Variants in PIKFYVE observed in about 807,000 individuals in gnomAD.
PIKFYVE encodes phosphoinositide kinase, FYVE-type zinc finger containing.
A neutral mutation model predicts 257.9 loss-of-function variants in PIKFYVE; 122 were observed. The observed-to-expected ratio is 0.47, with a 90% CI of 0.41 to 0.55. The LOEUF (loss-of-function observed/expected upper bound fraction) is 0.55. PIKFYVE is among the 20% of genes least tolerant of loss of function. The pLI, the probability that PIKFYVE is intolerant of heterozygous loss-of-function variation, is 0.00. For missense variants in PIKFYVE, 2,160 were observed against 2,536.6 expected (o/e 0.85, Z 3.19); for synonymous variants, 892 against 868.9 (o/e 1.03, Z -0.47).
chr2:208,326,405 G>A lies in PIKFYVE; in HGVS notation c.3594G>A (p.Leu1198=). 1 of 1,614,070 alleles carries A rather than the reference G, an allele frequency of 6.2e-7. No homozygotes were observed. The highest frequency in any genetic ancestry group is 2.2e-5 in the East Asian group (1 of 44,878). The change falls in exon 20 of 42, where the codon CTG becomes CTA. Residue 1198 remains leucine, a synonymous_variant. Transcript: ENST00000264380. ...NEGDEERGLI[L]SDAVWSTKVD... is the part of the protein sequence containing the mutation. ...GTGATGAAGAGAGAGGGCTTATTCT[G>A]AGTGATGCTGTGTGGTCAACAAAGG...
At chr2:208,285,393 C>T (rs780667853) in intron 5 of PIKFYVE, among the ~76,000 whole-genome samples, 1 of 152,194 alleles carries the variant, frequency 6.6e-6, no homozygotes, top group Non-Finnish European at 1.5e-5. Context: ...CCACGTCTGG[C>T]CTGGTATGTT....
In PIKFYVE at chr2:208,352,682, G is replaced by C; in HGVS notation, c.5744G>C (p.Gly1915Ala). 1.2e-6 allele frequency: 2 copies of C among 1,613,688 alleles called. No homozygotes were observed. The highest frequency in any genetic ancestry group is 1.7e-6 in the Non-Finnish European group (2 of 1,179,814). The stretch of plus-strand genomic sequence containing the variant: ...CCCACGGCGTTGGCCAAAATTCTTG[G>C]AGTTTACAGAATTGGTTATAAGAAC... ...KRPTALAKIL[G>A]VYRIGYKNSQ... Residue 1915 changes from glycine (G) to alanine (A), a missense_variant, in exon 39 of 42, where the codon GGA (glycine) becomes GCA (alanine). Transcript: ENST00000264380.
chr2:208,335,564 C>A, intron 25 of PIKFYVE, 145 bp downstream of exon 25: 1 of 813,706 alleles, frequency 1.2e-6, no homozygotes, highest in South Asian at 1.7e-5. Flanking sequence ...AAATTGTAGA[C>A]GCTATGGAAA....
chr2:208,271,527 C>T lies in PIKFYVE; in HGVS notation c.8C>T (p.Thr3Ile). Residue 3 changes from threonine to isoleucine, a missense_variant, in exon 2 of 42, where the codon ACA becomes ATA. Physicochemically the swap from Thr to Ile is moderately conservative, Grantham distance 89. This residue lies in a region of PIKFYVE where 172 missense variants were observed against 180.6 expected (regional missense o/e 0.95). Coordinates refer to ENST00000264380, the MANE Select transcript of PIKFYVE (RefSeq NM_015040.4). ...GTTTTTCAGACTCATGAAATGGCCA[C>T]AGATGATAAGACGTCCCCAACACTG... MA[T>I]DDKTSPTLDS... The T allele has an allele frequency of 1.2e-6, 2 of 1,614,146 alleles. No individual in the cohort carries two copies. Among genetic ancestry groups the T allele is most frequent in the Non-Finnish European group, 1.7e-6 (2 of 1,179,998 alleles).
intron 6 of PIKFYVE, among the ~76,000 whole-genome samples, chr2:208,288,401 A>G (rs1691860087): frequency 6.6e-6 from 1 of 152,122 alleles, no homozygotes; most frequent in Non-Finnish European, 1.5e-5. Flanking sequence ...AAATATTTGA[A>G]CTCAAGATTT....
chr2:208,306,648 G>T (rs1347564274), intron 12 of PIKFYVE, among the ~76,000 whole-genome samples: 3 of 152,146 alleles, frequency 2.0e-5, no homozygotes. Flanking sequence ...GGAGTGGAAT[G>T]GAACAGGAGG....
At chr2:208,288,130 A>T (rs1306415263) in intron 6 of PIKFYVE, among the ~76,000 whole-genome samples, 2 of 152,332 alleles carry the variant, frequency 1.3e-5, no homozygotes, top group East Asian at 3.9e-4. Context: ...GCTCCCTGAG[A>T]GATGTACAAT....
At chr2:208,296,305 G>A (rs899566038) in intron 7 of PIKFYVE, among the ~76,000 whole-genome samples, 2 of 152,062 alleles carry the variant, frequency 1.3e-5, no homozygotes, top group African/African-American at 2.4e-5. Context: ...ACGCCTGGAC[G>A]AAACAGACAA....
chr2:208,351,455 G>A lies in PIKFYVE; in HGVS notation c.5715G>A (p.Lys1905=). The change falls in exon 38 of 42, where the codon AAG becomes AAA. Residue 1905 remains lysine (K), a splice_region_variant and synonymous_variant. Coordinates refer to ENST00000264380, the MANE Select transcript of PIKFYVE (RefSeq NM_015040.4). ...ATATTACAAATGCTGTTCAACAAAAGGTAGAAATCTAAAACCATGGTCTGT... is the reference window on the plus strand; with the variant it reads ...ATATTACAAATGCTGTTCAACAAAAAGTAGAAATCTAAAACCATGGTCTGT... The part of the protein sequence containing the change: ...FNYITNAVQQ[K]RPTALAKILG... 1 of 1,601,946 alleles carries A rather than the reference G, an allele frequency of 6.2e-7. No homozygotes were observed. The highest frequency in any genetic ancestry group is 1.3e-5 in the African/African-American group (1 of 74,762).
At chr2:208,335,116 A>G (rs1408416379) in intron 24 of PIKFYVE, among the ~76,000 whole-genome samples, 190 bp from the exon 25 acceptor site, 1 of 152,204 alleles carries the variant, frequency 6.6e-6, no homozygotes, top group Non-Finnish European at 1.5e-5. Context: ...ATAAAACAAA[A>G]TCCCTCCAGA....
rs757419502 is a variant in PIKFYVE, at chr2:208,336,169, C to T, written c.4489C>T (p.Leu1497Phe). 1 of 1,614,036 alleles carries T rather than the reference C, an allele frequency of 6.2e-7. No individual in the cohort carries two copies. Among genetic ancestry groups the T allele is most frequent in the Non-Finnish European group, 8.5e-7 (1 of 1,179,942 alleles). Reference sequence around the variant, plus strand: ...GTCACTCATTGCCAAGAAACAAAGTCTCTGTGAAGTGCTGCAAGCTTGGAA... The same window carrying T: ...GTCACTCATTGCCAAGAAACAAAGTTTCTGTGAAGTGCTGCAAGCTTGGAA... The part of the protein sequence containing the change: ...FESLIAKKQS[L>F]CEVLQAWNNR... The change falls in exon 27 of 42, where the codon CTC (leucine) becomes TTC (phenylalanine). Residue 1497 changes from leucine (L) to phenylalanine (F), a missense_variant. Leu to Phe is a conservative substitution (Grantham distance 22, BLOSUM62 0). This residue lies in a region of PIKFYVE where 699 missense variants were observed against 855.8 expected (regional missense o/e 0.82). Coordinates refer to ENST00000264380, the MANE Select transcript of PIKFYVE (RefSeq NM_015040.4).
chr2:208,287,471 A>G (rs1478518551), intron 6 of PIKFYVE, among the ~76,000 whole-genome samples: 3 of 151,646 alleles, frequency 2.0e-5, no homozygotes, highest in Non-Finnish European at 4.4e-5. Flanking sequence ...ACGGGGTTTC[A>G]TCATGTTGGC....
intron 7 of PIKFYVE, among the ~76,000 whole-genome samples, chr2:208,298,270 T>TA (rs746208207): frequency 1.6e-4 from 25 of 152,222 alleles, no homozygotes; most frequent in Non-Finnish European, 3.4e-4. Flanking sequence ...TCCACTAACT[T>TA]ACAGCATTTT....
chr2:208,311,865 T>C (rs1694968540), intron 12 of PIKFYVE, among the ~76,000 whole-genome samples: 1 of 152,230 alleles, frequency 6.6e-6, no homozygotes, highest in Non-Finnish European at 1.5e-5. Context: ...TGTTAAATCA[T>C]CAAGTTACAT....
At chr2:208,315,087 C>T (rs16840911) in intron 14 of PIKFYVE, 106 bp from the exon 15 acceptor site, 31,595 of 1,019,800 alleles carry the variant, frequency 0.031, 731 homozygotes, top group African/African-American at 0.11. Context: ...ATCTGTGAGC[C>T]GTAATTGAAA....
Position 208,304,271 on chromosome 2 carries a change from A to G in PIKFYVE, c.1421A>G (p.Asp474Gly), listed in dbSNP as rs1434859831. 3.7e-6 allele frequency: 6 copies of G among 1,614,068 alleles called. No homozygotes were observed. The highest frequency in any genetic ancestry group is 3.3e-5 in the Admixed American group (2 of 60,014). Residue 474 changes from aspartate (D) to glycine (G), a missense_variant, in exon 11 of 42, where the codon GAC becomes GGC. Asp to Gly is a moderately conservative substitution (Grantham distance 94). This residue lies in a region of PIKFYVE where 15 missense variants were observed against 39.1 expected (regional missense o/e 0.38). Coordinates refer to ENST00000264380, the MANE Select transcript of PIKFYVE (RefSeq NM_015040.4). Reference sequence around the variant, plus strand: ...TGGTTTAAAGACATAAAGTTTGATGACAGTGACACAGAACAGATAGCTGAA... The same window carrying G: ...TGGTTTAAAGACATAAAGTTTGATGGCAGTGACACAGAACAGATAGCTGAA... ...PSWFKDIKFD[D>G]SDTEQIAEEG...
At chr2:208,306,882 A>G (rs1252790642) in intron 12 of PIKFYVE, among the ~76,000 whole-genome samples, 1 of 151,102 alleles carries the variant, frequency 6.6e-6, no homozygotes. Context: ...GGTTCAAGTG[A>G]TTCTCCCACC....
At chr2:208,271,053 A>AT (rs1689361391) in intron 1 of PIKFYVE, among the ~76,000 whole-genome samples, 1 of 151,462 alleles carries the variant, frequency 6.6e-6, no homozygotes, top group Non-Finnish European at 1.5e-5. Context: ...AAAAAAAAAA[A>AT]GTTGAAATAA....
chr2:208,345,628 C>G (rs1185745618), intron 33 of PIKFYVE, among the ~76,000 whole-genome samples: 1 of 152,068 alleles, frequency 6.6e-6, no homozygotes, highest in Non-Finnish European at 1.5e-5. Flanking sequence ...GACTTTTAGA[C>G]AGAAATTGTC....
Sources: allele counts gnomAD v4.1 joint callset (sites outside exome capture counted in the v4.1 genomes callset), GRCh38; gene constraint gnomAD v4.1.1; regional missense constraint gnomAD v4.1.1; transcripts MANE v1.5; gene names NCBI Gene and HGNC (gene_info 2026-07-23, HGNC 2026-07-21).